The following ETNPPL variants were observed in gnomAD, a reference collection of about 807,000 sequenced individuals.
The protein encoded by ETNPPL is ethanolamine-phosphate phospho-lyase, also known as alanine--glyoxylate aminotransferase 2-like 1.
In ETNPPL, 30 loss-of-function variants were observed where a neutral mutation model predicts 55.5. The ratio of observed to expected loss-of-function variants is 0.54; its 90% confidence interval spans 0.40 to 0.73. The LOEUF is 0.73. Ranked by LOEUF, ETNPPL falls within the 30% of genes least tolerant of loss-of-function variation. The probability of loss-of-function intolerance (pLI) is 0.00; values close to 1 mark genes in which losing one functional copy is unlikely to be tolerated. For missense variants in ETNPPL, 528 were observed against 607.9 expected, an observed-to-expected ratio of 0.87 and a Z score of 1.38; for synonymous variants, 202 against 207.2, an observed-to-expected ratio of 0.98 and a Z score of 0.21.
intron 3 of ETNPPL, among the ~76,000 whole-genome samples, chr4:108,757,884 T>C (rs938440598): frequency 2.6e-5 from 4 of 152,058 alleles, no homozygotes; most frequent in Admixed American, 6.6e-5. Context: ...GGCACAGTAG[T>C]GTGACCACCA....
chr4:108,747,617 G>C lies in ETNPPL; in HGVS notation c.1082+388C>G, dbSNP rs116088539. Among the ~76,000 whole-genome samples, 550 of 152,004 alleles carry C rather than the reference G, an allele frequency of 3.6e-3. 6 individuals are homozygous for C. The highest frequency in any genetic ancestry group is 0.013 in the African/African-American group (523 of 41,456). ...ATCCGGCCCCACCCAAATGTTAACA[G>C]TGGTGATATCTGGATTCTGGAATAA... On this transcript the variant is annotated intron_variant, in intron 9 of 12. Transcript: ENST00000296486.
intron 1 of ETNPPL, among the ~76,000 whole-genome samples, chr4:108,761,117 T>C (rs1469644102): frequency 6.6e-6 from 1 of 152,218 alleles, no homozygotes; most frequent in Non-Finnish European, 1.5e-5. Context: ...TACTTTTATT[T>C]GGATGAATGG....
intron 1 of ETNPPL, chr4:108,762,154 C>G (rs1482686083): frequency 7.3e-6 from 2 of 273,826 alleles, no homozygotes; most frequent in African/African-American, 4.4e-5. Flanking sequence ...ATATGACATC[C>G]AACGAGAGCT....
intron 1 of ETNPPL, 53 bp from the exon 2 acceptor site, chr4:108,760,359 T>C: frequency 9.8e-7 from 1 of 1,020,472 alleles, no homozygotes; most frequent in Non-Finnish European, 1.5e-6. Flanking sequence ...TCTCAGTATT[T>C]TTCCTTCTCA....
At chr4:108,761,910 T>C (rs541332788) in intron 1 of ETNPPL, among the ~76,000 whole-genome samples, 14 of 152,344 alleles carry the variant, frequency 9.2e-5, no homozygotes, top group African/African-American at 3.1e-4. Flanking sequence ...TAACCCCAAG[T>C]GCTCTCTCAT....
At chr4:108,753,967 T>C (rs1248383480) in intron 5 of ETNPPL, among the ~76,000 whole-genome samples, 5 of 147,176 alleles carry the variant, frequency 3.4e-5, no homozygotes, top group African/African-American at 1.3e-4. Flanking sequence ...ATTTACTTTT[T>C]CTTTTCTTTT....
chr4:108,760,352 C>T, intron 1 of ETNPPL, 46 bp from the exon 2 acceptor site: 1 of 1,076,398 alleles, frequency 9.3e-7, no homozygotes, highest in Non-Finnish European at 1.4e-6. Context: ...GGACTACTCT[C>T]AGTATTTTTC....
chr4:108,748,197 G>C (rs746553864), intron 8 of ETNPPL, 38 bp from the exon 9 acceptor site: 15 of 1,471,864 alleles, frequency 1.0e-5, no homozygotes, highest in Non-Finnish European at 1.4e-5. Context: ...AAATATACCA[G>C]TTGAATGAGT....
chr4:108,751,420 T>C (rs2125676305), intron 6 of ETNPPL, among the ~76,000 whole-genome samples: 1 of 152,128 alleles, frequency 6.6e-6, no homozygotes, highest in East Asian at 1.9e-4. Flanking sequence ...CTTGGTGAAG[T>C]AGGGCTGCTT....
Position 108,746,761 on chromosome 4 carries a change from C to G in ETNPPL, c.1172+1G>C. 3 of 1,613,494 alleles carry G rather than the reference C, an allele frequency of 1.9e-6. No homozygotes were observed. Among genetic ancestry groups the G allele is most frequent in the Non-Finnish European group, 2.5e-6 (3 of 1,179,478 alleles). On this transcript the variant is annotated splice_donor_variant, in intron 10 of 12. Coordinates refer to ENST00000296486, the MANE Select transcript of ETNPPL (RefSeq NM_031279.4). LOFTEE classifies it high-confidence loss of function. ...AACAGGTGGGTGTGGGGGTGAATTACTTGTAGATGATGTGCTGAGCTTCAG... is the reference window on the plus strand; with the variant it reads ...AACAGGTGGGTGTGGGGGTGAATTAGTTGTAGATGATGTGCTGAGCTTCAG...
At chr4:108,751,089 T>A (rs2125676087) in intron 6 of ETNPPL, 71 bp from the exon 7 acceptor site, 1 of 1,014,592 alleles carries the variant, frequency 9.9e-7, no homozygotes, top group Non-Finnish European at 1.5e-6. Flanking sequence ...GTATATCTTA[T>A]AGAGCAGGTT....
At chr4:108,749,492 T>C (rs1728792967) in intron 7 of ETNPPL, 29 bp from the exon 8 acceptor site, 1 of 1,546,514 alleles carries the variant, frequency 6.5e-7, no homozygotes, top group Admixed American at 1.7e-5. Flanking sequence ...GTCTAATGCC[T>C]TCAGGTCACT....
intron 4 of ETNPPL, among the ~76,000 whole-genome samples, chr4:108,755,942 C>T (rs924496824): frequency 2.6e-5 from 4 of 152,164 alleles, no homozygotes; most frequent in Non-Finnish European, 5.9e-5. Flanking sequence ...TAATTACAGG[C>T]TAATGAAAAA....
intron 7 of ETNPPL, 71 bp from the exon 8 acceptor site, chr4:108,749,534 A>T: frequency 8.4e-7 from 1 of 1,192,978 alleles, no homozygotes; most frequent in East Asian, 2.4e-5. Flanking sequence ...AAAGATGCAA[A>T]TTATTGAAGA....
chr4:108,751,096 G>T (rs757926600), intron 6 of ETNPPL, 78 bp from the exon 7 acceptor site: 2 of 980,736 alleles, frequency 2.0e-6, no homozygotes, highest in Non-Finnish European at 3.2e-6. Context: ...TTATAGAGCA[G>T]GTTATTTTAA....
chr4:108,746,069 T>C (rs1728477700), intron 11 of ETNPPL, among the ~76,000 whole-genome samples: 1 of 152,172 alleles, frequency 6.6e-6, no homozygotes, highest in Non-Finnish European at 1.5e-5. Context: ...CTATATACTG[T>C]AGTATTTGTG....
At chr4:108,752,621 G>A (rs1728966451) in intron 6 of ETNPPL, among the ~76,000 whole-genome samples, 1 of 152,114 alleles carries the variant, frequency 6.6e-6, no homozygotes, top group Non-Finnish European at 1.5e-5. Flanking sequence ...TACCCCTCTA[G>A]ACTAGACCCT....
At chr4:108,762,719 G>T in intron 1 of ETNPPL, 124 bp downstream of exon 1, 2 of 1,227,142 alleles carry the variant, frequency 1.6e-6, no homozygotes, top group Non-Finnish European at 2.4e-6. Context: ...CGCGTGCACA[G>T]GCGCGGCGGG....
chr4:108,760,941 A>G (rs1201527932), intron 1 of ETNPPL, among the ~76,000 whole-genome samples: 2 of 152,226 alleles, frequency 1.3e-5, no homozygotes, highest in Non-Finnish European at 2.9e-5. Flanking sequence ...AAATGCAAAT[A>G]ACCTAGAGTT....
Sources: gnomAD v4.1 joint callset for allele counts (sites outside exome capture counted in the v4.1 genomes callset) on GRCh38, gnomAD v4.1.1 for gene constraint, MANE v1.5 for transcripts, NCBI Gene and HGNC (gene_info 2026-07-23, HGNC 2026-07-21) for gene names.